CDH9: variants seen among roughly 807,000 people sequenced by gnomAD.
The protein encoded by CDH9 is cadherin-9.
In CDH9, 28 loss-of-function variants were observed where a neutral mutation model predicts 70.9. The observed-to-expected ratio is 0.40, with a 90% CI of 0.29 to 0.54. CDH9 has a LOEUF of 0.54. Ranked by LOEUF, CDH9 falls within the 20% of genes least tolerant of loss-of-function variation. The probability of loss-of-function intolerance (pLI) is 0.59; values close to 1 mark genes in which losing one functional copy is unlikely to be tolerated. For synonymous variants in CDH9, 409 were observed against 343.1 expected (o/e 1.19, Z -2.12); for missense variants, 874 against 984.4 (o/e 0.89, Z 1.50).
intron 2 of CDH9, among the ~76,000 whole-genome samples, chr5:26,962,780 A>T (rs1296915402): frequency 6.6e-6 from 1 of 152,026 alleles, no homozygotes; most frequent in Non-Finnish European, 1.5e-5. Flanking sequence ...TCTAGAGTAC[A>T]TGTGTTCTGT....
chr5:26,897,653 T>C (rs890109044), intron 7 of CDH9, among the ~76,000 whole-genome samples: 4 of 152,130 alleles, frequency 2.6e-5, no homozygotes, highest in Admixed American at 2.0e-4. Context: ...AAACTAGGTA[T>C]GGAGGGAACG....
chr5:26,885,703 T>C lies in CDH9; in HGVS notation c.1793A>G (p.Gln598Arg). 1 of 1,613,654 alleles carries C rather than the reference T, an allele frequency of 6.2e-7. No homozygotes were observed. The highest frequency in any genetic ancestry group is 8.5e-7 in the Non-Finnish European group (1 of 1,179,838). ...VCACDNQGNM[Q>R]SCTAEALILS... Reference sequence around the variant, plus strand: ...GATCAGGGCTTCTGCGGTGCAGGATTGCATGTTTCCTTGATTATCGCAGGC... The same window carrying C: ...GATCAGGGCTTCTGCGGTGCAGGATCGCATGTTTCCTTGATTATCGCAGGC... Residue 598 changes from glutamine (Q) to arginine (R), a missense_variant, in exon 11 of 12, where the codon CAA (glutamine) becomes CGA (arginine). Gln to Arg is a conservative substitution (Grantham distance 43, BLOSUM62 1). Coordinates refer to ENST00000231021, the MANE Select transcript of CDH9 (RefSeq NM_016279.4).
At chr5:27,011,694 T>A (rs1742962259) in intron 1 of CDH9, among the ~76,000 whole-genome samples, 1 of 152,056 alleles carries the variant, frequency 6.6e-6, no homozygotes, top group Non-Finnish European at 1.5e-5. Context: ...CAGATAAAGG[T>A]AAGAGATTTT....
chr5:26,904,305 A>G (rs1360425585), intron 5 of CDH9, among the ~76,000 whole-genome samples: 4 of 151,880 alleles, frequency 2.6e-5, no homozygotes, highest in South Asian at 4.1e-4. Flanking sequence ...TTTAGTTTTA[A>G]TATCTTTTAG....
intron 1 of CDH9, among the ~76,000 whole-genome samples, chr5:27,005,682 T>C (rs1742850928): frequency 6.6e-6 from 1 of 152,090 alleles, no homozygotes; most frequent in African/African-American, 2.4e-5. Context: ...TCCAGAGGAA[T>C]ATAAATCATT....
chr5:26,929,861 G>C (rs10067037), intron 2 of CDH9, among the ~76,000 whole-genome samples: 14,681 of 151,982 alleles, frequency 0.097, 886 homozygotes, highest in East Asian at 0.19. Context: ...AGTATCGAAT[G>C]GGGAGGAAGG....
intron 2 of CDH9, among the ~76,000 whole-genome samples, chr5:26,937,949 C>CA (rs1426291501): frequency 1.3e-5 from 2 of 151,930 alleles, no homozygotes; most frequent in Non-Finnish European, 2.9e-5. Flanking sequence ...CCAACACACA[C>CA]AAAAATGAAC....
At chr5:27,009,403 A>G (rs896452778) in intron 1 of CDH9, among the ~76,000 whole-genome samples, 1 of 152,292 alleles carries the variant, frequency 6.6e-6, no homozygotes, top group Admixed American at 6.5e-5. Flanking sequence ...TTTACCTCTA[A>G]AAGGAGAAGA....
At chr5:26,942,744 G>C (rs1273523127) in intron 2 of CDH9, among the ~76,000 whole-genome samples, 1 of 152,032 alleles carries the variant, frequency 6.6e-6, no homozygotes, top group Non-Finnish European at 1.5e-5. Context: ...CTTATGTCTG[G>C]TTTAACCAGT....
chr5:26,961,847 T>A (rs1486088509), intron 2 of CDH9, among the ~76,000 whole-genome samples: 1 of 152,096 alleles, frequency 6.6e-6, no homozygotes, highest in African/African-American at 2.4e-5. Flanking sequence ...ATTGTCATAC[T>A]TTAAGTTCTG....
At chr5:26,952,835 C>A (rs1236117822) in intron 2 of CDH9, among the ~76,000 whole-genome samples, 20 of 144,362 alleles carry the variant, frequency 1.4e-4, no homozygotes, top group African/African-American at 4.7e-4. Flanking sequence ...GACCTGAGCT[C>A]GGGCTGGGAA....
chr5:26,910,256 T>TATCTATCTATCTATC (rs36175795), intron 3 of CDH9, among the ~76,000 whole-genome samples: 2,381 of 150,074 alleles, frequency 0.016, 26 homozygotes, highest in Middle Eastern at 0.028. Context: ...TCTATCTATC[T>TATCTATCTATCTATC]ATCTATCTGG....
chr5:26,952,921 A>AAAGC (rs1554000078), intron 2 of CDH9, among the ~76,000 whole-genome samples: 4,474 of 129,108 alleles, frequency 0.035, 305 homozygotes, highest in African/African-American at 0.12. Context: ...AAAAAAAAAA[A>AAAGC]AGTTTAAAGA....
chr5:27,006,600 T>C (rs938905608), intron 1 of CDH9, among the ~76,000 whole-genome samples: 2 of 152,154 alleles, frequency 1.3e-5, no homozygotes, highest in African/African-American at 4.8e-5. Context: ...AAGAGGCTCA[T>C]TCTGTTGAGA....
intron 2 of CDH9, among the ~76,000 whole-genome samples, chr5:26,964,965 T>G (rs1742104037): frequency 6.6e-6 from 1 of 152,146 alleles, no homozygotes; most frequent in African/African-American, 2.4e-5. Context: ...CTGGAATTAT[T>G]TTTCCCTTAA....
chr5:26,943,528 A>C (rs1399946804), intron 2 of CDH9, among the ~76,000 whole-genome samples: 1 of 141,268 alleles, frequency 7.1e-6, no homozygotes, highest in African/African-American at 2.5e-5. Context: ...AAAAAAAAAA[A>C]GCTAACTCAG....
Position 26,881,189 on chromosome 5 carries a change from G to A in CDH9, c.2317C>T (p.Arg773Cys), listed in dbSNP as rs568693690. 5.6e-6 allele frequency: 9 copies of A among 1,612,660 alleles called. No individual in the cohort carries two copies. The highest frequency in any genetic ancestry group is 2.2e-5 in the South Asian group (2 of 90,968). ...DYDYLSDWGPRFKKLADMYGG... is the reference protein window; with the variant it reads ...DYDYLSDWGPCFKKLADMYGG... ...TACATATCGGCAAGTTTTTTGAAAC[G>A]AGGCCCCCAGTCACTGAGGTAATCA... Residue 773 changes from arginine (R) to cysteine (C), a missense_variant, in exon 12 of 12, where the codon CGT (arginine) becomes TGT (cysteine). Arg to Cys is a radical substitution (Grantham distance 180, BLOSUM62 -3). Transcript: ENST00000231021.
Position 27,036,295 on chromosome 5 carries a change from A to G in CDH9, c.-50+2168T>C, listed in dbSNP as rs76171133. On this transcript the variant is annotated intron_variant, in intron 1 of 11. Coordinates refer to ENST00000231021, the MANE Select transcript of CDH9 (RefSeq NM_016279.4). ...GCATGTATAGGGGTTACAGGAAAAC[A>G]CCAGAACAAATCCCTCCATGTAAGG... Among the ~76,000 whole-genome samples, 15 of 152,010 alleles carry G rather than the reference A, an allele frequency of 9.9e-5. No individual in the cohort carries two copies. In the East Asian group the frequency reaches 2.9e-3, roughly 30 times the overall value.
chr5:26,958,691 T>A (rs1003625797), intron 2 of CDH9, among the ~76,000 whole-genome samples: 3 of 152,212 alleles, frequency 2.0e-5, no homozygotes, highest in Middle Eastern at 3.2e-3. Flanking sequence ...GTGCTTAGTA[T>A]ACGCAGAAAT....
Sources: gnomAD v4.1 joint callset for allele counts (sites outside exome capture counted in the v4.1 genomes callset) on GRCh38, gnomAD v4.1.1 for gene constraint, MANE v1.5 for transcripts, NCBI Gene and HGNC (gene_info 2026-07-23, HGNC 2026-07-21) for gene names.